ORC3: variants seen among roughly 807,000 people sequenced by gnomAD.
ORC3 encodes the protein homolog of latheo, Drosophila.
ORC3 carries 78 observed loss-of-function variants against 100.7 expected under a neutral mutation model. The ratio of observed to expected loss-of-function variants is 0.77; its 90% CI spans 0.65 to 0.94. The LOEUF (loss-of-function observed/expected upper bound fraction) is 0.94. Ranked by LOEUF, ORC3 falls within the 40% of genes least tolerant of loss-of-function variation. The pLI, the probability that ORC3 is intolerant of heterozygous loss-of-function variation, is 0.00. For missense variants in ORC3, 789 were observed against 823.9 expected (o/e 0.96, Z 0.52); for synonymous variants, 295 against 289.3 (o/e 1.02, Z -0.20).
intron 2 of ORC3, among the ~76,000 whole-genome samples, chr6:87,595,888 C>T (rs1292552250): frequency 1.3e-5 from 2 of 152,108 alleles, no homozygotes; most frequent in Non-Finnish European, 2.9e-5. Flanking sequence ...GGCTTCAGTT[C>T]GGCGGCCTGA....
At position 87,616,502 on chromosome 6, in the gene ORC3, G is replaced by C. The variant is rs560202023; in HGVS notation, c.987+75G>C. ...TTTGCACATTATTTCAGGCTGTCTA[G>C]TGTGATAGGCATTTTAAATGGCAAA... On this transcript the variant is annotated intron_variant, in intron 9 of 19. Coordinates refer to ENST00000392844, the MANE Select transcript of ORC3 (RefSeq NM_012381.4). The C allele has an allele frequency of 2.0e-4, 125 of 638,964 alleles. 1 individual carries two copies. In the East Asian group the frequency reaches 3.1e-3, roughly 16 times the overall value. 39.6% of individuals were successfully genotyped at this position (638,964 alleles called of 1,614,324 possible).
downstream of ORC3, among the ~76,000 whole-genome samples, chr6:87,670,816 A>C (rs930684028): frequency 2.6e-5 from 4 of 152,166 alleles, no homozygotes; most frequent in East Asian, 5.8e-4. Flanking sequence ...AAGTAAAACA[A>C]AGAAAGCAGC....
chr6:87,632,861 T>A (rs1292042261), intron 11 of ORC3, among the ~76,000 whole-genome samples: 1 of 152,162 alleles, frequency 6.6e-6, no homozygotes, highest in East Asian at 1.9e-4. Flanking sequence ...TAAAATAAAA[T>A]AATGATTAAA....
intron 5 of ORC3, among the ~76,000 whole-genome samples, chr6:87,606,499 TAA>T (rs1215448470): frequency 6.6e-6 from 1 of 152,034 alleles, no homozygotes; most frequent in Non-Finnish European, 1.5e-5. Flanking sequence ...CATGAAATCA[TAA>T]AGAGTGTTCA....
chr6:87,646,405 C>G (rs1445625931), intron 13 of ORC3, among the ~76,000 whole-genome samples: 1 of 152,086 alleles, frequency 6.6e-6, no homozygotes, highest in Non-Finnish European at 1.5e-5. Context: ...TGGTGGCTTT[C>G]AAACTTTTTA....
chr6:87,611,672 C>A (rs1044238081), intron 7 of ORC3, among the ~76,000 whole-genome samples: 2 of 151,884 alleles, frequency 1.3e-5, no homozygotes, highest in Non-Finnish European at 2.9e-5. Flanking sequence ...GTCCCAGCTA[C>A]TCGGGAGGCT....
intron 13 of ORC3, among the ~76,000 whole-genome samples, chr6:87,652,071 TA>T (rs1344304274): frequency 6.6e-6 from 1 of 151,980 alleles, no homozygotes; most frequent in African/African-American, 2.4e-5. Context: ...GCTAATTTTT[TA>T]TAATTTTAGT....
intron 12 of ORC3, among the ~76,000 whole-genome samples, chr6:87,635,920 G>A (rs555197887): frequency 2.0e-5 from 3 of 151,304 alleles, no homozygotes; most frequent in African/African-American, 7.3e-5. Context: ...TCTCAGTATA[G>A]CCTCATTTTA....
At chr6:87,654,292 GAA>G (rs1016193612) in intron 14 of ORC3, among the ~76,000 whole-genome samples, 12 of 152,232 alleles carry the variant, frequency 7.9e-5, no homozygotes, top group African/African-American at 2.7e-4. Context: ...CATGGAAGAT[GAA>G]AGAGAATGTT....
chr6:87,608,288 G>A (rs1778493945), intron 6 of ORC3, among the ~76,000 whole-genome samples: 1 of 152,136 alleles, frequency 6.6e-6, no homozygotes, highest in Non-Finnish European at 1.5e-5. Context: ...AGTTCTTAGG[G>A]AATCAGTGTT....
chr6:87,649,577 GTC>G (rs1369169899), intron 13 of ORC3, among the ~76,000 whole-genome samples: 1 of 152,134 alleles, frequency 6.6e-6, no homozygotes, highest in Non-Finnish European at 1.5e-5. Flanking sequence ...GAGAAACCCT[GTC>G]TCTACTAAAA....
intron 4 of ORC3, among the ~76,000 whole-genome samples, chr6:87,605,605 G>GCACC (rs1167001898): frequency 4.6e-5 from 7 of 151,474 alleles, no homozygotes; most frequent in Non-Finnish European, 8.8e-5. Flanking sequence ...AGCTGAGATT[G>GCACC]AGCTGCTGCA....
intron 9 of ORC3, among the ~76,000 whole-genome samples, chr6:87,620,753 G>A (rs1779476532): frequency 6.6e-6 from 1 of 152,106 alleles, no homozygotes; most frequent in South Asian, 2.1e-4. Context: ...TTGATTCTAA[G>A]CAAACTGAAT....
At chr6:87,655,164 A>G (rs1769575518) in intron 14 of ORC3, among the ~76,000 whole-genome samples, 1 of 152,116 alleles carries the variant, frequency 6.6e-6, no homozygotes, top group African/African-American at 2.4e-5. Context: ...ACAGTTGGGA[A>G]GAGTTAAGTA....
Position 87,667,352 on chromosome 6 carries a change from A to G in ORC3, c.*229A>G, listed in dbSNP as rs977783807. On this transcript the variant is annotated 3_prime_UTR_variant, in exon 20 of 20. Transcript: ENST00000392844. Reference sequence around the variant, plus strand: ...ATAATGTAACTAAAACTGCTCACACATTTTACTGTACTTTCCAAAGTCATT... The same window carrying G: ...ATAATGTAACTAAAACTGCTCACACGTTTTACTGTACTTTCCAAAGTCATT... 1.0e-5 allele frequency: 4 copies of G among 385,366 alleles called. No individual in the cohort carries two copies. Among genetic ancestry groups the G allele is most frequent in the African/African-American group, 8.3e-5 (4 of 48,258 alleles). 23.9% of individuals were successfully genotyped at this position (385,366 alleles called of 1,614,324 possible). A position where few individuals can be genotyped will look rare whatever the true frequency, so the allele number is the denominator to read the frequency against.
chr6:87,661,297 A>C (rs1770157570), intron 16 of ORC3, among the ~76,000 whole-genome samples: 1 of 152,246 alleles, frequency 6.6e-6, no homozygotes, highest in Admixed American at 6.5e-5. Flanking sequence ...AAGTTAACTT[A>C]ACCTTGAGTA....
Position 87,664,773 on chromosome 6 carries a change from A to C in ORC3, c.1864A>C (p.Ile622Leu). The C allele has an allele frequency of 6.2e-7, 1 of 1,614,184 alleles. No individual in the cohort carries two copies. Among genetic ancestry groups the C allele is most frequent in the Non-Finnish European group, 8.5e-7 (1 of 1,180,002 alleles). Residue 622 changes from isoleucine to leucine, a missense_variant, in exon 18 of 20, where the codon ATT becomes CTT. This residue lies in a region of ORC3 where 366 missense variants were observed against 394.2 expected (regional missense o/e 0.93). Transcript: ENST00000392844. ...NEALKSEEGCIPNIAPDICIA... is the reference protein window; with the variant it reads ...NEALKSEEGCLPNIAPDICIA... The stretch of plus-strand genomic sequence containing the variant: ...AGCACTGAAAAGCGAAGAAGGCTGC[A>C]TTCCGAATATCGCCCCAGACATCTG...
At chr6:87,675,315 T>A in the ORC3 span, 1 of 484,196 alleles carries the variant, frequency 2.1e-6, no homozygotes, top group East Asian at 3.2e-5. Flanking sequence ...ATACCAGCTT[T>A]AATCCTTTTC....
At chr6:87,602,493 G>A (rs1413286860) in intron 3 of ORC3, among the ~76,000 whole-genome samples, 1 of 150,136 alleles carries the variant, frequency 6.7e-6, no homozygotes, top group Non-Finnish European at 1.5e-5. Context: ...GGCCAACACA[G>A]TGTTGTAGTT....
Sources: gnomAD v4.1 joint callset for allele counts (sites outside exome capture counted in the v4.1 genomes callset) on GRCh38, gnomAD v4.1.1 for gene constraint, gnomAD v4.1.1 regional missense constraint, MANE v1.5 for transcripts, NCBI Gene and HGNC (gene_info 2026-07-23, HGNC 2026-07-21) for gene names.